SERINC3: variants seen among roughly 807,000 people sequenced by gnomAD.
SERINC3 encodes the protein serine incorporator 3.
SERINC3 carries 22 observed loss-of-function variants against 52.1 expected under a neutral mutation model. The observed-to-expected ratio is 0.42, with a 90% CI of 0.30 to 0.60. SERINC3 has a LOEUF of 0.60. Among genes scored for constraint, SERINC3 ranks in the 20% least tolerant of loss-of-function variants. The pLI is 0.16. For missense variants in SERINC3, 564 were observed against 584.6 expected (o/e 0.96, Z 0.36); for synonymous variants, 226 against 212.7 (o/e 1.06, Z -0.54).
chr20:44,516,152 A>C (rs2064379335), intron 1 of SERINC3, among the ~76,000 whole-genome samples: 1 of 151,900 alleles, frequency 6.6e-6, no homozygotes, highest in South Asian at 2.1e-4. Context: ...AAATACAAAA[A>C]TTAGCCGGGT....
chr20:44,509,121 A>C (rs1195011469), intron 5 of SERINC3, among the ~76,000 whole-genome samples: 1 of 152,242 alleles, frequency 6.6e-6, no homozygotes, highest in Non-Finnish European at 1.5e-5. Context: ...TAAGTGCTCT[A>C]ACATAGCCAA....
chr20:44,517,111 T>C (rs1306459728), intron 1 of SERINC3, among the ~76,000 whole-genome samples: 1 of 152,178 alleles, frequency 6.6e-6, no homozygotes, highest in Non-Finnish European at 1.5e-5. Context: ...AGTTTTCTCA[T>C]CTGTAAAAAT....
At chr20:44,507,782 T>C (rs1047352851) in intron 5 of SERINC3, among the ~76,000 whole-genome samples, 11 of 152,136 alleles carry the variant, frequency 7.2e-5, no homozygotes, top group Middle Eastern at 3.2e-3. Context: ...GGCAGGGGGA[T>C]TGCTTGAGCC....
At chr20:44,508,590 T>C (rs967325438) in intron 5 of SERINC3, among the ~76,000 whole-genome samples, 1 of 152,216 alleles carries the variant, frequency 6.6e-6, no homozygotes, top group African/African-American at 2.4e-5. Context: ...AATTATGGTA[T>C]ACTCCGCTAT....
rs542095780 is a variant in SERINC3, at chr20:44,513,511, C to CCCTTTTAG, written c.201+360_201+367dup. The stretch of plus-strand genomic sequence containing the variant: ...AAAAAAATATGGTCTCTCTTCTTTG[C>CCCTTTTAG]CCTTTTAGGATGAAGAGGCTGTGTG... On this transcript the variant is annotated intron_variant, in intron 2 of 9. Transcript: ENST00000342374. Among the ~76,000 whole-genome samples, 36 of 152,250 alleles carry CCCTTTTAG rather than the reference C, an allele frequency of 2.4e-4. 1 individual carries two copies. In the South Asian group the frequency reaches 7.5e-3, roughly 32 times the overall value.
intron 1 of SERINC3, among the ~76,000 whole-genome samples, chr20:44,514,615 G>C (rs2064368625): frequency 6.6e-6 from 1 of 152,110 alleles, no homozygotes; most frequent in South Asian, 2.1e-4. Flanking sequence ...GAAAAAATTA[G>C]CCGGGTGTGG....
At chr20:44,497,209 A>G (rs540435101), downstream of SERINC3, among the ~76,000 whole-genome samples, 1 of 152,320 alleles carries the variant, frequency 6.6e-6, no homozygotes, top group African/African-American at 2.4e-5. Context: ...ATGACTCAAA[A>G]TACTCCCCTG....
At chr20:44,520,990 C>T (rs533307131) in intron 1 of SERINC3, among the ~76,000 whole-genome samples, 1 of 152,130 alleles carries the variant, frequency 6.6e-6, no homozygotes, top group African/African-American at 2.4e-5. Context: ...GATGCTATCT[C>T]CAAGTAGAGA....
rs978176824 is a variant in SERINC3, at chr20:44,518,534, C to G, written c.39+3379G>C. ...TAAGATCATGAAGAAGCTGGAAAGA[C>G]CCACCATACCTGCATAAACAAGTAC... On this transcript the variant is annotated intron_variant, in intron 1 of 9. Coordinates refer to ENST00000342374, the MANE Select transcript of SERINC3 (RefSeq NM_006811.4). Among the ~76,000 whole-genome samples the G allele has an allele frequency of 2.0e-5, 3 of 152,130 alleles. No individual in the cohort carries two copies. The East Asian group carries it at 5.8e-4, about 29-fold the overall frequency.
chr20:44,500,999 A>G, intron 9 of SERINC3, 74 bp downstream of exon 9: 1 of 1,084,072 alleles, frequency 9.2e-7, no homozygotes, highest in Non-Finnish European at 1.4e-6. Flanking sequence ...TTCTGAGGTC[A>G]GGACAATGGA....
rs576581332 is a variant in SERINC3 at position 44,499,657 on chromosome 20, T to A, written c.*639A>T. On this transcript the variant is annotated 3_prime_UTR_variant, in exon 10 of 10. Coordinates refer to ENST00000342374, the MANE Select transcript of SERINC3 (RefSeq NM_006811.4). ...AAGCATTTATGGAAATTAATACATC[T>A]GGCAAAGCACCAGACTTGAATCAAG... is the stretch of plus-strand genomic sequence containing the variant. 8.5e-5 allele frequency: 13 copies of A among 152,448 alleles called. No individual in the cohort carries two copies. The highest frequency in any genetic ancestry group is 1.3e-4 in the Non-Finnish European group (9 of 68,030). 9.4% of individuals were successfully genotyped at this position (152,448 alleles called of 1,614,324 possible).
Position 44,522,053 on chromosome 20 carries a change from C to T in SERINC3, c.-102G>A. 1 of 1,288,426 alleles carries T rather than the reference C, an allele frequency of 7.8e-7. No individual in the cohort carries two copies. Among genetic ancestry groups the T allele is most frequent in the Non-Finnish European group, 1.1e-6 (1 of 915,512 alleles). The allele number at this position is 1,288,426 out of a possible 1,614,324, so 79.8% of individuals were successfully genotyped here. ...CCCAGAAACATGACGGTTTCTCAGG[C>T]CGGAAACGCAGCCTTCCACAGACGC... is the stretch of plus-strand genomic sequence containing the variant. On this transcript the variant is annotated 5_prime_UTR_variant, in exon 1 of 10. Transcript: ENST00000342374.
At chr20:44,514,555 C>G (rs1402997989) in intron 1 of SERINC3, among the ~76,000 whole-genome samples, 1 of 151,782 alleles carries the variant, frequency 6.6e-6, no homozygotes, top group Non-Finnish European at 1.5e-5. Flanking sequence ...GTCAGGAGAT[C>G]GAGACCATCC....
rs1157849000 is a variant in SERINC3, at chr20:44,501,083, T to C, written c.1273A>G (p.Ser425Gly). The C allele has an allele frequency of 6.2e-7, 1 of 1,613,426 alleles. No homozygotes were observed. The highest frequency in any genetic ancestry group is 8.5e-7 in the Non-Finnish European group (1 of 1,179,344). Residue 425 changes from serine (S) to glycine (G), a missense_variant, in exon 9 of 10, where the codon AGC becomes GGC. By Grantham distance (56) the Ser-to-Gly change is moderately conservative. Transcript: ENST00000342374. Reference protein sequence around the residue: ...ASLYIMMTLTSWYSPDAKFQS... With the variant: ...ASLYIMMTLTGWYSPDAKFQS... ...GTCTGTGTCTCCTACCTGTACCAGC[T>C]GGTCAGGGTCATCATGATGTACAAG... is the stretch of plus-strand genomic sequence containing the variant.
In SERINC3 at chr20:44,499,086, C is replaced by T. The variant is rs1018358806; in HGVS notation, c.*1210G>A. On this transcript the variant is annotated 3_prime_UTR_variant, in exon 10 of 10. Transcript: ENST00000342374. ...ACAGCACTAATTCACATTATAACCACCTGTCAGCTCATTTGCTCTCTTCTC... is the reference window on the plus strand; with the variant it reads ...ACAGCACTAATTCACATTATAACCATCTGTCAGCTCATTTGCTCTCTTCTC... 6.6e-6 allele frequency: 1 copy of T among 152,264 alleles called. No homozygotes were observed. The highest frequency in any genetic ancestry group is 1.5e-5 in the Non-Finnish European group (1 of 68,056). 9.4% of individuals were successfully genotyped at this position (152,264 alleles called of 1,614,324 possible).
chr20:44,518,972 C>T (rs3092119), intron 1 of SERINC3, among the ~76,000 whole-genome samples: 3 of 82,886 alleles, frequency 3.6e-5, no homozygotes, highest in African/African-American at 2.1e-4. Flanking sequence ...TTCTCAAAAA[C>T]GAAAAAAAAA....
At chr20:44,519,618 T>C (rs1460799833) in intron 1 of SERINC3, among the ~76,000 whole-genome samples, 1 of 152,054 alleles carries the variant, frequency 6.6e-6, no homozygotes, top group Non-Finnish European at 1.5e-5. Context: ...AACCTTAAAA[T>C]ACATTCTGTT....
chr20:44,520,550 AC>A (rs59813020), intron 1 of SERINC3, among the ~76,000 whole-genome samples: 3,308 of 152,280 alleles, frequency 0.022, 117 homozygotes, highest in African/African-American at 0.076. Flanking sequence ...TGGGAGCTAA[AC>A]ACTGGGAACA....
At chr20:44,511,694 C>T (rs2064348687) in intron 3 of SERINC3, among the ~76,000 whole-genome samples, 1 of 152,188 alleles carries the variant, frequency 6.6e-6, no homozygotes, top group South Asian at 2.1e-4. Flanking sequence ...GTTAGGTACA[C>T]ACACAGCCAT....
Sources: gnomAD v4.1 joint callset for allele counts (sites outside exome capture counted in the v4.1 genomes callset) on GRCh38, gnomAD v4.1.1 for gene constraint, MANE v1.5 for transcripts, NCBI Gene and HGNC (gene_info 2026-07-23, HGNC 2026-07-21) for gene names.